RALGAPA1: variants seen among roughly 807,000 people sequenced by gnomAD.
RALGAPA1 encodes ral GTPase-activating protein subunit alpha-1.
In RALGAPA1, 52 loss-of-function variants were observed where a neutral mutation model predicts 269.6. The ratio of observed to expected loss-of-function variants is 0.19; its 90% confidence interval spans 0.15 to 0.24. The LOEUF is 0.24. Among genes scored for constraint, RALGAPA1 ranks in the 10% least tolerant of loss-of-function variants. The pLI is 1.00. For missense variants in RALGAPA1, 1,917 were observed against 3,013.9 expected (o/e 0.64, Z 8.52); for synonymous variants, 817 against 1,008.3 (o/e 0.81, Z 3.60).
chr14:35,694,662 T>C (rs2066759167), intron 17 of RALGAPA1, among the ~76,000 whole-genome samples: 1 of 152,196 alleles, frequency 6.6e-6, no homozygotes, highest in African/African-American at 2.4e-5. Context: ...TTTTAAAATT[T>C]TGAACATAAA....
At chr14:35,781,420 A>AC (rs924800217) in intron 1 of RALGAPA1, among the ~76,000 whole-genome samples, 2 of 152,152 alleles carry the variant, frequency 1.3e-5, no homozygotes, top group Non-Finnish European at 1.5e-5. Context: ...GGTGAATCCT[A>AC]CCAACTCTTC....
At chr14:35,720,863 T>C (rs139753126) in intron 16 of RALGAPA1, among the ~76,000 whole-genome samples, 49 of 151,910 alleles carry the variant, frequency 3.2e-4, no homozygotes, top group Non-Finnish European at 5.2e-4. Flanking sequence ...AGCCCAGGAG[T>C]CCAGGGCTGC....
intron 33 of RALGAPA1, 27 bp from the exon 34 acceptor site, chr14:35,627,978 G>A: frequency 2.0e-6 from 3 of 1,525,030 alleles, no homozygotes; most frequent in South Asian, 1.3e-5. Context: ...TAAATGAATG[G>A]GAATATTGCT....
intron 16 of RALGAPA1, among the ~76,000 whole-genome samples, chr14:35,702,727 A>G (rs935917950): frequency 9.7e-6 from 1 of 102,758 alleles, no homozygotes; most frequent in African/African-American, 4.9e-5. Context: ...AAAAAAAAAA[A>G]TATATATATA....
chr14:35,619,562 G>A (rs542537639), intron 35 of RALGAPA1, among the ~76,000 whole-genome samples: 1 of 152,286 alleles, frequency 6.6e-6, no homozygotes, highest in African/African-American at 2.4e-5. Flanking sequence ...GAATCCAGGA[G>A]CTGGTTTTTT....
chr14:35,603,860 T>C (rs928797111), intron 36 of RALGAPA1, among the ~76,000 whole-genome samples: 3 of 151,974 alleles, frequency 2.0e-5, no homozygotes, highest in African/African-American at 7.2e-5. Flanking sequence ...GGTTGTGGTG[T>C]GGAGATGAAG....
At chr14:35,779,979 C>T (rs564339326) in intron 1 of RALGAPA1, among the ~76,000 whole-genome samples, 6 of 152,034 alleles carry the variant, frequency 3.9e-5, no homozygotes, top group Admixed American at 6.6e-5. Context: ...TGGTGGTGGG[C>T]GCCTGTAGTC....
intron 10 of RALGAPA1, among the ~76,000 whole-genome samples, 198 bp from the exon 11 acceptor site, chr14:35,742,763 T>TAAAAAAAAA (rs199500409): frequency 7.8e-6 from 1 of 128,724 alleles, no homozygotes. Context: ...ATATTTCTAG[T>TAAAAAAAAA]AAAAAAAAAA....
intron 12 of RALGAPA1, among the ~76,000 whole-genome samples, chr14:35,737,878 G>A (rs1224177312): frequency 6.6e-6 from 1 of 150,406 alleles, no homozygotes; most frequent in Non-Finnish European, 1.5e-5. Context: ...CCTGAGGTCA[G>A]GAGGTTCGAG....
intron 1 of RALGAPA1, among the ~76,000 whole-genome samples, chr14:35,781,605 T>A (rs201090183): frequency 7.7e-6 from 1 of 129,528 alleles, no homozygotes; most frequent in Non-Finnish European, 1.7e-5. Context: ...TATCTATCTA[T>A]CTACACACAC....
chr14:35,682,445 C>T (rs185067062), intron 21 of RALGAPA1, among the ~76,000 whole-genome samples: 19 of 152,058 alleles, frequency 1.2e-4, no homozygotes, highest in African/African-American at 4.1e-4. Context: ...GGACTATACG[C>T]GCCCGCCACC....
chr14:35,689,001 G>A lies in RALGAPA1; in HGVS notation c.3410C>T (p.Ala1137Val). 2.4e-6 allele frequency: 3 copies of A among 1,236,726 alleles called. No homozygotes were observed. Among genetic ancestry groups the A allele is most frequent in the Non-Finnish European group, 3.0e-6 (3 of 990,706 alleles). The allele number at this position is 1,236,726 out of a possible 1,614,324, so 76.6% of individuals were successfully genotyped here. ...TTTAGTAGCAATTTTCATGATTTTG[G>A]CTCTATGAGTTACTGTTTCAGACAA... ...RSLSETVTHR[A>V]KIMKIATKKR... Residue 1137 changes from alanine to valine, a missense_variant, in exon 18 of 42, where the codon GCC (alanine) becomes GTC (valine). Physicochemically the swap from Ala to Val is moderately conservative, Grantham distance 64. Transcript: ENST00000680220.
At chr14:35,611,978 C>A (rs1023199939) in intron 35 of RALGAPA1, among the ~76,000 whole-genome samples, 3 of 152,140 alleles carry the variant, frequency 2.0e-5, no homozygotes, top group East Asian at 3.8e-4. Flanking sequence ...GAAATAAACT[C>A]ATATTTATAG....
At chr14:35,691,181 C>G (rs1028205726) in intron 17 of RALGAPA1, among the ~76,000 whole-genome samples, 1 of 151,710 alleles carries the variant, frequency 6.6e-6, no homozygotes, top group Non-Finnish European at 1.5e-5. Flanking sequence ...GGTTAAGTTA[C>G]TTTATCAAAT....
intron 28 of RALGAPA1, among the ~76,000 whole-genome samples, chr14:35,658,649 T>G (rs1228609721): frequency 1.3e-5 from 2 of 151,852 alleles, no homozygotes; most frequent in Admixed American, 6.6e-5. Flanking sequence ...TCTTAAGACA[T>G]TTAGAAAAAA....
chr14:35,617,133 A>T (rs2060301732), intron 35 of RALGAPA1, among the ~76,000 whole-genome samples: 2 of 152,238 alleles, frequency 1.3e-5, no homozygotes, highest in South Asian at 2.1e-4. Context: ...GCATAGGAGT[A>T]GATTAAGGTA....
At chr14:35,674,915 C>T (rs1426645963) in intron 22 of RALGAPA1, among the ~76,000 whole-genome samples, 3 of 152,088 alleles carry the variant, frequency 2.0e-5, no homozygotes, top group Non-Finnish European at 4.4e-5. Context: ...ATTATGTTAA[C>T]TAGCTATTCA....
chr14:35,747,729 G>A (rs894387816), intron 10 of RALGAPA1, among the ~76,000 whole-genome samples: 5 of 152,164 alleles, frequency 3.3e-5, no homozygotes, highest in African/African-American at 1.2e-4. Context: ...CCCCTCAGCT[G>A]CAAAACTCAA....
intron 26 of RALGAPA1, among the ~76,000 whole-genome samples, chr14:35,669,324 G>A (rs1267349350): frequency 4.0e-5 from 6 of 151,890 alleles, no homozygotes; most frequent in Non-Finnish European, 8.8e-5. Context: ...GTGCGATCTC[G>A]GCTCACTGCA....
Sources: allele counts gnomAD v4.1 joint callset (sites outside exome capture counted in the v4.1 genomes callset), GRCh38; gene constraint gnomAD v4.1.1; transcripts MANE v1.5; gene names NCBI Gene and HGNC (gene_info 2026-07-23, HGNC 2026-07-21).